Variants in PLCB1 observed in about 807,000 individuals in gnomAD.
The protein encoded by PLCB1 is 1-phosphatidylinositol 4,5-bisphosphate phosphodiesterase beta-1.
A neutral mutation model predicts 161.8 loss-of-function variants in PLCB1; 46 were observed. That is an observed-to-expected ratio of 0.28 (90% confidence interval 0.22 to 0.36). The LOEUF is 0.36. Ranked by LOEUF, PLCB1 falls within the 10% of genes least tolerant of loss-of-function variation. The pLI, the probability that PLCB1 is intolerant of heterozygous loss-of-function variation, is 1.00. For synonymous variants in PLCB1, 517 were observed against 503.7 expected (o/e 1.03, Z -0.35); for missense variants, 1,016 against 1,472.5 (o/e 0.69, Z 5.07).
chr20:8,678,049 TG>T (rs1447560386), intron 9 of PLCB1, among the ~76,000 whole-genome samples: 1 of 152,208 alleles, frequency 6.6e-6, no homozygotes, highest in African/African-American at 2.4e-5. Flanking sequence ...AGAGAACACT[TG>T]TTATATTTGT....
At chr20:8,375,322 C>T (rs929873839) in intron 3 of PLCB1, among the ~76,000 whole-genome samples, 11 of 152,218 alleles carry the variant, frequency 7.2e-5, no homozygotes, top group Non-Finnish European at 1.2e-4. Flanking sequence ...CTTTCTGGGT[C>T]GTCACTTCAA....
At chr20:8,259,808 C>T (rs1981603827) in intron 2 of PLCB1, among the ~76,000 whole-genome samples, 1 of 152,070 alleles carries the variant, frequency 6.6e-6, no homozygotes, top group Admixed American at 6.6e-5. Flanking sequence ...TTAAGTTTTC[C>T]TCTAATAAAT....
chr20:8,760,540 C>A, intron 25 of PLCB1, 80 bp downstream of exon 25: 1 of 947,220 alleles, frequency 1.1e-6, no homozygotes, highest in South Asian at 1.6e-5. Context: ...AGGAAATTTC[C>A]ATTCATATCT....
chr20:8,233,969 C>A (rs1025399973), intron 2 of PLCB1, among the ~76,000 whole-genome samples: 2 of 152,162 alleles, frequency 1.3e-5, no homozygotes, highest in African/African-American at 4.8e-5. Context: ...TTTATTCATT[C>A]TACTGTTATG....
chr20:8,362,430 T>G (rs1011896279), intron 2 of PLCB1, among the ~76,000 whole-genome samples: 1 of 152,200 alleles, frequency 6.6e-6, no homozygotes, highest in Non-Finnish European at 1.5e-5. Context: ...GGCAGTTTCT[T>G]CCCTCAGAGT....
intron 3 of PLCB1, among the ~76,000 whole-genome samples, chr20:8,480,071 T>A (rs1982435685): frequency 6.6e-6 from 1 of 152,212 alleles, no homozygotes; most frequent in Non-Finnish European, 1.5e-5. Context: ...GCCAGGAGAC[T>A]TCTCCATCTC....
At chr20:8,854,771 C>T (rs931481369) in intron 31 of PLCB1, among the ~76,000 whole-genome samples, 2 of 152,254 alleles carry the variant, frequency 1.3e-5, no homozygotes, top group Non-Finnish European at 2.9e-5. Flanking sequence ...GAACGACAAA[C>T]TCGGCAAGGA....
chr20:8,733,846 G>A (rs1393749773), intron 19 of PLCB1, among the ~76,000 whole-genome samples: 1 of 148,892 alleles, frequency 6.7e-6, no homozygotes, highest in Non-Finnish European at 1.5e-5. Flanking sequence ...GTAGGGTCGG[G>A]CGCAGTGACT....
At chr20:8,842,223 TAGAA>T (rs774216254) in intron 31 of PLCB1, among the ~76,000 whole-genome samples, 27 of 152,194 alleles carry the variant, frequency 1.8e-4, no homozygotes, top group Non-Finnish European at 2.9e-4. Flanking sequence ...AATGCTTACA[TAGAA>T]AGCGCATGAT....
chr20:8,241,055 G>A (rs956793962), intron 2 of PLCB1, among the ~76,000 whole-genome samples: 4 of 151,922 alleles, frequency 2.6e-5, no homozygotes, highest in Non-Finnish European at 5.9e-5. Context: ...ATGTGATCCT[G>A]TGATCACATA....
intron 18 of PLCB1, among the ~76,000 whole-genome samples, chr20:8,731,704 C>T (rs775569328): frequency 2.1e-4 from 32 of 151,778 alleles, no homozygotes; most frequent in Non-Finnish European, 4.3e-4. Flanking sequence ...TATAATTATC[C>T]TTTTGTTCCC....
At chr20:8,869,481 T>C (rs1568631309) in intron 31 of PLCB1, among the ~76,000 whole-genome samples, 1 of 152,190 alleles carries the variant, frequency 6.6e-6, no homozygotes, top group South Asian at 2.1e-4. Flanking sequence ...TCCTAAATTG[T>C]AGTATAAGTT....
intron 3 of PLCB1, among the ~76,000 whole-genome samples, chr20:8,457,641 A>G (rs1436947812): frequency 6.6e-6 from 1 of 152,042 alleles, no homozygotes; most frequent in African/African-American, 2.4e-5. Flanking sequence ...AAGTTTGTCA[A>G]GTAATGAACT....
chr20:8,248,455 A>G (rs556317182), intron 2 of PLCB1, among the ~76,000 whole-genome samples: 1 of 152,014 alleles, frequency 6.6e-6, no homozygotes, highest in East Asian at 2.0e-4. Context: ...AGAAGGCTGC[A>G]GTTGGAAATA....
chr20:8,643,966 C>CG (rs1784870207), intron 4 of PLCB1, among the ~76,000 whole-genome samples: 2 of 152,164 alleles, frequency 1.3e-5, no homozygotes, highest in Admixed American at 6.5e-5. Flanking sequence ...GACTGGTTTT[C>CG]GTATTTTTTT....
At chr20:8,390,615 A>T (rs576746637) in intron 3 of PLCB1, among the ~76,000 whole-genome samples, 1 of 152,194 alleles carries the variant, frequency 6.6e-6, no homozygotes, top group African/African-American at 2.4e-5. Context: ...AATCAATACA[A>T]TGGTCAATGT....
chr20:8,168,371 A>G (rs1227616968), intron 2 of PLCB1, among the ~76,000 whole-genome samples: 3 of 152,220 alleles, frequency 2.0e-5, no homozygotes, highest in Admixed American at 6.5e-5. Flanking sequence ...CTTCTGAAAT[A>G]TTAAGGCAAT....
chr20:8,738,932 C>G (rs953829572), intron 20 of PLCB1, among the ~76,000 whole-genome samples: 1 of 152,112 alleles, frequency 6.6e-6, no homozygotes, highest in Non-Finnish European at 1.5e-5. Context: ...GGTGGATCAC[C>G]TGAGGTCGGG....
At chr20:8,647,291 AT>A (rs1989196119) in intron 5 of PLCB1, among the ~76,000 whole-genome samples, 1 of 152,240 alleles carries the variant, frequency 6.6e-6, no homozygotes, top group African/African-American at 2.4e-5. Flanking sequence ...AACATGTTTT[AT>A]CTGAAACATA....
Sources: allele counts gnomAD v4.1 joint callset (sites outside exome capture counted in the v4.1 genomes callset), GRCh38; gene constraint gnomAD v4.1.1; transcripts MANE v1.5; gene names NCBI Gene and HGNC (gene_info 2026-07-23, HGNC 2026-07-21).